Variants in HS2ST1 observed in about 807,000 individuals in gnomAD.
The protein encoded by HS2ST1 is heparan sulfate 2-O-sulfotransferase 1, also known as 2-O-sulfotransferase.
HS2ST1 carries 18 observed loss-of-function variants against 42.9 expected under a neutral mutation model. The ratio of observed to expected loss-of-function variants is 0.42; its 90% CI spans 0.29 to 0.62. The LOEUF (loss-of-function observed/expected upper bound fraction) is 0.62, where lower values mean the gene tolerates loss of function less well. Ranked by LOEUF, HS2ST1 falls within the 20% of genes least tolerant of loss-of-function variation. HS2ST1 has a pLI of 0.21. For missense variants in HS2ST1, 334 were observed against 433.8 expected (o/e 0.77, Z 2.04); for synonymous variants, 146 against 152.9 (o/e 0.95, Z 0.33).
At chr1:86,934,465 C>T (rs1660602827) in intron 1 of HS2ST1, 1 of 152,208 alleles carries the variant, frequency 6.6e-6, no homozygotes, top group Non-Finnish European at 1.5e-5. Flanking sequence ...CGTTGAACCT[C>T]CAGCAATTTA....
chr1:86,964,764 GAGTA>G (rs1162127126), intron 1 of HS2ST1, among the ~76,000 whole-genome samples: 3 of 152,208 alleles, frequency 2.0e-5, no homozygotes, highest in African/African-American at 7.2e-5. Context: ...TATTTATCAT[GAGTA>G]AGTGACAGGT....
intron 1 of HS2ST1, among the ~76,000 whole-genome samples, chr1:87,006,784 A>G (rs1291972703): frequency 6.6e-6 from 1 of 152,082 alleles, no homozygotes; most frequent in African/African-American, 2.4e-5. Flanking sequence ...TTTATTTCTA[A>G]ATATTTGCTA....
chr1:86,927,565 T>G (rs1263445189), intron 1 of HS2ST1, among the ~76,000 whole-genome samples: 1 of 152,186 alleles, frequency 6.6e-6, no homozygotes, highest in Non-Finnish European at 1.5e-5. Context: ...CATTATTTAT[T>G]TTTAAATTCG....
At chr1:87,066,575 A>AT (rs1293736967) in intron 1 of HS2ST1, among the ~76,000 whole-genome samples, 3 of 151,822 alleles carry the variant, frequency 2.0e-5, no homozygotes, top group African/African-American at 7.3e-5. Flanking sequence ...ATCTTAAAAA[A>AT]TTTTTTTTTA....
intron 2 of HS2ST1, among the ~76,000 whole-genome samples, chr1:87,076,799 G>A (rs902145263): frequency 2.0e-5 from 3 of 151,994 alleles, no homozygotes; most frequent in African/African-American, 4.8e-5. Flanking sequence ...ATTCTTTTTT[G>A]CTCTCATATG....
chr1:87,101,960 C>G (rs932943524), intron 5 of HS2ST1, among the ~76,000 whole-genome samples: 5 of 152,192 alleles, frequency 3.3e-5, no homozygotes, highest in Non-Finnish European at 7.3e-5. Flanking sequence ...CCTCAGGAAG[C>G]TTACAATCAT....
At chr1:87,036,623 A>G (rs986883264) in intron 1 of HS2ST1, among the ~76,000 whole-genome samples, 22 of 151,848 alleles carry the variant, frequency 1.4e-4, no homozygotes, top group African/African-American at 4.8e-4. Flanking sequence ...AATAAAAGAT[A>G]TGCTGGAATG....
At chr1:86,939,170 CT>C (rs1660715557) in intron 1 of HS2ST1, among the ~76,000 whole-genome samples, 1 of 151,866 alleles carries the variant, frequency 6.6e-6, no homozygotes, top group African/African-American at 2.4e-5. Context: ...ATTGTTTGGA[CT>C]TTTATTATAT....
intron 1 of HS2ST1, among the ~76,000 whole-genome samples, chr1:86,976,304 A>G (rs1392843035): frequency 6.6e-6 from 1 of 152,202 alleles, no homozygotes; most frequent in Non-Finnish European, 1.5e-5. Context: ...TTGCCATGGC[A>G]AAGTAACTTG....
chr1:87,099,889 G>A (rs1652158496), intron 5 of HS2ST1, among the ~76,000 whole-genome samples: 1 of 152,208 alleles, frequency 6.6e-6, no homozygotes, highest in African/African-American at 2.4e-5. Context: ...CTAAAACCCA[G>A]CAGGGCAGTC....
chr1:87,023,134 T>C (rs1649993991), intron 1 of HS2ST1, among the ~76,000 whole-genome samples: 2 of 152,216 alleles, frequency 1.3e-5, no homozygotes, highest in South Asian at 4.1e-4. Context: ...ATTTCAAAGT[T>C]AGTGTAATAG....
chr1:86,920,011 C>A (rs570596254), intron 1 of HS2ST1, among the ~76,000 whole-genome samples: 1 of 152,284 alleles, frequency 6.6e-6, no homozygotes, highest in South Asian at 2.1e-4. Flanking sequence ...TCCCGAATTT[C>A]AAGAGCGCAC....
At chr1:86,976,524 G>C (rs1648404500) in intron 1 of HS2ST1, among the ~76,000 whole-genome samples, 1 of 151,174 alleles carries the variant, frequency 6.6e-6, no homozygotes, top group African/African-American at 2.4e-5. Flanking sequence ...TTAAAAACAG[G>C]CAAGATAAAG....
intron 1 of HS2ST1, among the ~76,000 whole-genome samples, chr1:86,925,269 G>A (rs1660390422): frequency 6.6e-6 from 1 of 152,120 alleles, no homozygotes; most frequent in African/African-American, 2.4e-5. Flanking sequence ...AAGTCTCTAG[G>A]AAGTTCCCAA....
chr1:86,993,152 C>T (rs1408852537), intron 1 of HS2ST1: 2 of 1,593,432 alleles, frequency 1.3e-6, no homozygotes, highest in Non-Finnish European at 1.7e-6. Context: ...GGTAGCATGT[C>T]CTAAACCCTC....
chr1:86,969,103 A>G (rs1040019213), intron 1 of HS2ST1, among the ~76,000 whole-genome samples: 6 of 152,250 alleles, frequency 3.9e-5, no homozygotes, highest in Admixed American at 2.0e-4. Context: ...GTTACTTTTC[A>G]TACTTAATAC....
chr1:87,035,617 A>C (rs1235237278), intron 1 of HS2ST1, among the ~76,000 whole-genome samples: 1 of 152,184 alleles, frequency 6.6e-6, no homozygotes, highest in African/African-American at 2.4e-5. Flanking sequence ...CTGTGTATCC[A>C]GCATTGATAT....
chr1:87,070,835 T>C (rs1651384738), intron 1 of HS2ST1, among the ~76,000 whole-genome samples: 1 of 152,208 alleles, frequency 6.6e-6, no homozygotes, highest in Non-Finnish European at 1.5e-5. Context: ...CTTTTAAATA[T>C]TGGTATCATC....
At chr1:86,926,997 A>G (rs1197937341) in intron 1 of HS2ST1, among the ~76,000 whole-genome samples, 1 of 152,188 alleles carries the variant, frequency 6.6e-6, no homozygotes. Context: ...TGAGTCTAAG[A>G]GGAAGACTCT....
Sources: allele counts gnomAD v4.1 joint callset (sites outside exome capture counted in the v4.1 genomes callset), GRCh38; gene constraint gnomAD v4.1.1; transcripts MANE v1.5; gene names NCBI Gene and HGNC (gene_info 2026-07-23, HGNC 2026-07-21).